Variants in PTK2B observed in about 807,000 individuals in gnomAD.
The protein encoded by PTK2B is protein tyrosine kinase 2 beta.
PTK2B carries 71 observed loss-of-function variants against 142.9 expected under a neutral mutation model. That is an observed-to-expected ratio of 0.50 (90% CI 0.41 to 0.61). PTK2B has a LOEUF of 0.61. Ranked by LOEUF, PTK2B falls within the 20% of genes least tolerant of loss-of-function variation. The pLI, the probability that PTK2B is intolerant of heterozygous loss-of-function variation, is 0.00. For synonymous variants in PTK2B, 519 were observed against 503.4 expected, an observed-to-expected ratio of 1.03 and a Z score of -0.42; for missense variants, 1,105 against 1,320.4, an observed-to-expected ratio of 0.84 and a Z score of 2.53.
chr8:27,435,274 A>G (rs955917854), intron 13 of PTK2B, among the ~76,000 whole-genome samples: 2 of 152,182 alleles, frequency 1.3e-5, no homozygotes, highest in African/African-American at 4.8e-5. Flanking sequence ...TTCTGTGTAC[A>G]TGAGCACAGA....
chr8:27,379,691 G>GCT, intron 1 of PTK2B, among the ~76,000 whole-genome samples: 1 of 152,106 alleles, frequency 6.6e-6, no homozygotes, highest in Admixed American at 6.5e-5. Flanking sequence ...TTTAGCACAT[G>GCT]CAAGTTAATT....
chr8:27,455,975 G>A (rs954980882), intron 30 of PTK2B, among the ~76,000 whole-genome samples: 2 of 152,208 alleles, frequency 1.3e-5, no homozygotes, highest in Non-Finnish European at 2.9e-5. Context: ...CCCAAGGAAG[G>A]AGAAGGCAGG....
At chr8:27,387,817 CTTTT>C (rs60954097) in intron 1 of PTK2B, among the ~76,000 whole-genome samples, 2 of 145,032 alleles carry the variant, frequency 1.4e-5, no homozygotes. Flanking sequence ...CTGGGGAAGG[CTTTT>C]TTTTTTTTTT....
intron 5 of PTK2B, among the ~76,000 whole-genome samples, chr8:27,429,454 A>G (rs1011345253): frequency 2.0e-5 from 3 of 152,242 alleles, no homozygotes; most frequent in African/African-American, 7.2e-5. Context: ...CACATGTGAG[A>G]ACATTAGCTA....
intron 1 of PTK2B, among the ~76,000 whole-genome samples, chr8:27,376,638 A>G (rs1806687306): frequency 6.6e-6 from 1 of 152,202 alleles, no homozygotes; most frequent in Admixed American, 6.5e-5. Flanking sequence ...AAGCCGGCCA[A>G]AACCTACCAA....
At chr8:27,344,583 A>G (rs1435560186) in intron 1 of PTK2B, among the ~76,000 whole-genome samples, 1 of 152,230 alleles carries the variant, frequency 6.6e-6, no homozygotes, top group Non-Finnish European at 1.5e-5. Context: ...GATGGCATAT[A>G]TTACTAGAAG....
At chr8:27,427,240 C>G (rs1810140697) in intron 5 of PTK2B, among the ~76,000 whole-genome samples, 1 of 152,204 alleles carries the variant, frequency 6.6e-6, no homozygotes, top group African/African-American at 2.4e-5. Flanking sequence ...GTGTCAATTA[C>G]AAGCAGTGTG....
rs1014286726 is a variant in PTK2B, at chr8:27,407,706, G to A, written c.204+9918G>A. On this transcript the variant is annotated intron_variant, in intron 2 of 30. Coordinates refer to ENST00000346049, the MANE Select transcript of PTK2B (RefSeq NM_173176.3). ...GAGGAACCTCTGGCCCAAGGACCCCGAACTCCATTTCCAGCTCACATCTTC... is the reference window on the plus strand; with the variant it reads ...GAGGAACCTCTGGCCCAAGGACCCCAAACTCCATTTCCAGCTCACATCTTC... Among the ~76,000 whole-genome samples, 19 of 152,238 alleles carry A rather than the reference G, an allele frequency of 1.2e-4. 1 individual carries two copies. Among genetic ancestry groups the A allele is most frequent in the Admixed American group, 5.9e-4 (9 of 15,300 alleles).
Position 27,430,414 on chromosome 8 carries a change from T to C in PTK2B, c.665T>C (p.Leu222Ser). Residue 222 changes from leucine (L) to serine (S), a missense_variant, in exon 7 of 31, where the codon TTA (leucine) becomes TCA (serine). By Grantham distance (145) the Leu-to-Ser change is moderately radical. Coordinates refer to ENST00000346049, the MANE Select transcript of PTK2B (RefSeq NM_173176.3). ...TTCCCAAAGCAGATGCAGGAGAACT[T>C]AAAGGTGAGGAAACCAATGGGCGAG... ...LFFPKQMQEN[L>S]KPKQFRKMIQ... The C allele has an allele frequency of 6.2e-7, 1 of 1,614,032 alleles. No homozygotes were observed. The highest frequency in any genetic ancestry group is 8.5e-7 in the Non-Finnish European group (1 of 1,179,984).
At chr8:27,343,989 C>A (rs746823865) in intron 1 of PTK2B, among the ~76,000 whole-genome samples, 1 of 151,504 alleles carries the variant, frequency 6.6e-6, no homozygotes, top group African/African-American at 2.4e-5. Flanking sequence ...GATGACAGAG[C>A]GAGAATCCGT....
At chr8:27,451,136 C>A in intron 26 of PTK2B, 58 bp downstream of exon 26, 8 of 1,563,210 alleles carry the variant, frequency 5.1e-6, no homozygotes, top group Non-Finnish European at 7.0e-6. Context: ...GCCTCGCCCA[C>A]CATAGGACCC....
intron 3 of PTK2B, among the ~76,000 whole-genome samples, chr8:27,317,908 A>G (rs538994702): frequency 1.2e-4 from 18 of 152,144 alleles, no homozygotes; most frequent in Non-Finnish European, 2.2e-4. Flanking sequence ...CACAAAGCTG[A>G]TTTTCCATGT....
intron 1 of PTK2B, among the ~76,000 whole-genome samples, chr8:27,335,784 G>A (rs1292388824): frequency 1.3e-5 from 2 of 152,084 alleles, no homozygotes; most frequent in East Asian, 3.9e-4. Context: ...GAGTCCCCTG[G>A]GTAAGCCTGT....
chr8:27,432,390 G>A (rs1810492228), intron 10 of PTK2B, 29 bp downstream of exon 10: 4 of 1,598,292 alleles, frequency 2.5e-6, no homozygotes, highest in Non-Finnish European at 2.6e-6. Flanking sequence ...TGGGCACCTG[G>A]CAGCTCTGCA....
chr8:27,350,710 G>A (rs2130471163), intron 1 of PTK2B, among the ~76,000 whole-genome samples: 1 of 151,976 alleles, frequency 6.6e-6, no homozygotes, highest in South Asian at 2.1e-4. Context: ...TGGGCAAGGT[G>A]GCTGATGCCT....
intron 1 of PTK2B, among the ~76,000 whole-genome samples, chr8:27,368,510 T>G (rs1287229851): frequency 6.6e-6 from 1 of 152,188 alleles, no homozygotes; most frequent in African/African-American, 2.4e-5. Context: ...TCAATCTCCC[T>G]CCCCTATTGG....
intron 30 of PTK2B, among the ~76,000 whole-genome samples, chr8:27,457,218 G>A (rs1333014719): frequency 6.6e-6 from 1 of 152,224 alleles, no homozygotes; most frequent in Non-Finnish European, 1.5e-5. Context: ...TGACTCTCTT[G>A]TTAGGGGCTA....
intron 24 of PTK2B, among the ~76,000 whole-genome samples, chr8:27,446,124 T>G (rs1811456846): frequency 6.6e-6 from 1 of 152,222 alleles, no homozygotes; most frequent in Non-Finnish European, 1.5e-5. Context: ...GGCCCTGCTC[T>G]GGAGGACACC....
chr8:27,359,241 G>A (rs1023451752), intron 1 of PTK2B, among the ~76,000 whole-genome samples: 6 of 152,010 alleles, frequency 3.9e-5, no homozygotes, highest in Admixed American at 3.3e-4. Context: ...ACAGCCTCCC[G>A]AGTAGCTGGA....
Sources: allele counts gnomAD v4.1 joint callset (sites outside exome capture counted in the v4.1 genomes callset), GRCh38; gene constraint gnomAD v4.1.1; transcripts MANE v1.5; gene names NCBI Gene and HGNC (gene_info 2026-07-23, HGNC 2026-07-21).